KIAA1217: variants seen among roughly 807,000 people sequenced by gnomAD.
KIAA1217 encodes KIAA1217.
KIAA1217 carries 88 observed loss-of-function variants against 163.9 expected under a neutral mutation model. The ratio of observed to expected loss-of-function variants is 0.54; its 90% confidence interval spans 0.45 to 0.64. The LOEUF (loss-of-function observed/expected upper bound fraction) is 0.64. Ranked by LOEUF, KIAA1217 falls within the 30% of genes least tolerant of loss-of-function variation. The pLI is 0.00. For synonymous variants in KIAA1217, 903 were observed against 923.1 expected (o/e 0.98, Z 0.39); for missense variants, 2,372 against 2,475.0 (o/e 0.96, Z 0.88).
At chr10:23,815,460 C>T (rs554791473) in intron 1 of KIAA1217, among the ~76,000 whole-genome samples, 25 of 152,096 alleles carry the variant, frequency 1.6e-4, no homozygotes, top group Admixed American at 5.9e-4. Flanking sequence ...CTGGCTAACA[C>T]GGTGAAACCC....
At chr10:23,987,353 G>A (rs1237498577) in intron 1 of KIAA1217, among the ~76,000 whole-genome samples, 1 of 139,702 alleles carries the variant, frequency 7.2e-6, no homozygotes, top group African/African-American at 2.7e-5. Flanking sequence ...CTCCAGCCTG[G>A]GCGACACAGC....
intron 2 of KIAA1217, among the ~76,000 whole-genome samples, chr10:24,075,565 T>C (rs1160231663): frequency 6.6e-6 from 1 of 151,950 alleles, no homozygotes; most frequent in Non-Finnish European, 1.5e-5. Context: ...CCAAGTAACC[T>C]GAAAATGCTA....
intron 2 of KIAA1217, among the ~76,000 whole-genome samples, chr10:24,325,729 G>A (rs1029871412): frequency 6.6e-5 from 10 of 152,242 alleles, no homozygotes; most frequent in East Asian, 5.8e-4. Context: ...TATGTAATGG[G>A]GTGGAAGTTT....
chr10:23,979,330 G>A (rs1454128263), intron 1 of KIAA1217, among the ~76,000 whole-genome samples: 1 of 152,166 alleles, frequency 6.6e-6, no homozygotes, highest in Non-Finnish European at 1.5e-5. Context: ...CCAGTGAGTG[G>A]AAGATCTAAT....
At chr10:23,768,126 TA>T (rs967056894) in intron 1 of KIAA1217, among the ~76,000 whole-genome samples, 3 of 152,224 alleles carry the variant, frequency 2.0e-5, no homozygotes, top group African/African-American at 7.2e-5. Flanking sequence ...CACCCATTCT[TA>T]AAATGTAGCC....
intron 2 of KIAA1217, among the ~76,000 whole-genome samples, chr10:24,118,122 A>G (rs2063131072): frequency 6.6e-6 from 1 of 151,272 alleles, no homozygotes; most frequent in Admixed American, 6.6e-5. Flanking sequence ...ACAAACCTGC[A>G]CATGTACCCC....
intron 2 of KIAA1217, among the ~76,000 whole-genome samples, chr10:24,304,360 T>A (rs1007462201): frequency 3.9e-5 from 6 of 152,042 alleles, no homozygotes; most frequent in Non-Finnish European, 5.9e-5. Flanking sequence ...TTTAAAAAAA[T>A]TTTTTTACTT....
intron 2 of KIAA1217, among the ~76,000 whole-genome samples, chr10:24,269,635 C>G (rs1400927697): frequency 1.3e-5 from 2 of 152,182 alleles, no homozygotes; most frequent in African/African-American, 4.8e-5. Context: ...TCTGGGCTTA[C>G]CACACTGAAG....
intron 2 of KIAA1217, among the ~76,000 whole-genome samples, chr10:24,021,971 A>ATTT (rs1847752869): frequency 6.6e-6 from 1 of 151,834 alleles, no homozygotes; most frequent in East Asian, 1.9e-4. Flanking sequence ...GTAAAACCCA[A>ATTT]AACTATAAAA....
intron 1 of KIAA1217, among the ~76,000 whole-genome samples, chr10:23,993,167 G>A (rs1440324592): frequency 6.6e-6 from 1 of 151,126 alleles, no homozygotes; most frequent in Admixed American, 6.6e-5. Context: ...AAGTAGCTGG[G>A]ATTACAGGCA....
At chr10:24,149,305 C>T (rs953792778) in intron 2 of KIAA1217, among the ~76,000 whole-genome samples, 1 of 152,022 alleles carries the variant, frequency 6.6e-6, no homozygotes, top group African/African-American at 2.4e-5. Context: ...TCAGCCTCCC[C>T]AGTAGCTGGG....
intron 1 of KIAA1217, among the ~76,000 whole-genome samples, chr10:23,790,543 G>GTATATATGTATATGTACATATATA (rs1491339585): frequency 3.0e-5 from 3 of 99,578 alleles, no homozygotes; most frequent in South Asian, 5.6e-4. Flanking sequence ...ATATACATGT[G>GTATATATGTATATGTACATATATA]CATATATACA....
intron 2 of KIAA1217, among the ~76,000 whole-genome samples, chr10:24,088,025 C>T (rs2061765705): frequency 9.0e-6 from 1 of 111,272 alleles, no homozygotes; most frequent in African/African-American, 2.6e-5. Context: ...ATGAAGTAGT[C>T]CTTTCTCTGG....
intron 2 of KIAA1217, among the ~76,000 whole-genome samples, chr10:24,068,894 T>A (rs1220713275): frequency 2.0e-5 from 3 of 152,224 alleles, no homozygotes; most frequent in Non-Finnish European, 2.9e-5. Flanking sequence ...AGTTTGTGCA[T>A]ACTAGTTTCA....
At chr10:24,334,561 T>C (rs1223380020) in intron 2 of KIAA1217, among the ~76,000 whole-genome samples, 1 of 152,186 alleles carries the variant, frequency 6.6e-6, no homozygotes, top group Non-Finnish European at 1.5e-5. Context: ...ATCTAAGTCC[T>C]TATAATAAGG....
chr10:24,232,457 T>A (rs959403208), intron 2 of KIAA1217, among the ~76,000 whole-genome samples: 1 of 152,056 alleles, frequency 6.6e-6, no homozygotes, highest in Non-Finnish European at 1.5e-5. Flanking sequence ...CAAAATAAGA[T>A]TCTACTAGAA....
chr10:24,003,963 T>TTTTTA (rs895394760), intron 1 of KIAA1217, among the ~76,000 whole-genome samples: 22 of 152,112 alleles, frequency 1.4e-4, no homozygotes, highest in Non-Finnish European at 2.2e-4. Context: ...CAGAGACCTT[T>TTTTTA]TTTTATTTTA....
intron 4 of KIAA1217, among the ~76,000 whole-genome samples, chr10:24,435,274 T>C (rs2059930824): frequency 6.6e-6 from 1 of 152,262 alleles, no homozygotes; most frequent in Non-Finnish European, 1.5e-5. Flanking sequence ...CAAAAATTCA[T>C]GTTTGTTTTT....
chr10:24,221,719 G>C (rs1336213006), intron 2 of KIAA1217, among the ~76,000 whole-genome samples: 1 of 152,138 alleles, frequency 6.6e-6, no homozygotes, highest in African/African-American at 2.4e-5. Flanking sequence ...ATAAGGATGG[G>C]CTAATGATTA....
Sources: gnomAD v4.1 joint callset for allele counts (sites outside exome capture counted in the v4.1 genomes callset) on GRCh38, gnomAD v4.1.1 for gene constraint, MANE v1.5 for transcripts, NCBI Gene and HGNC (gene_info 2026-07-23, HGNC 2026-07-21) for gene names.